The following DLC1 variants were observed in gnomAD, a reference collection of about 807,000 sequenced individuals.
DLC1 encodes the protein rho GTPase-activating protein 7.
Under a neutral mutation model 140.3 loss-of-function variants are expected in DLC1, and 54 were observed. That is an observed-to-expected ratio of 0.38 (90% confidence interval 0.31 to 0.48). The LOEUF is 0.48. DLC1 is among the 20% of genes least tolerant of loss of function. DLC1 has a pLI of 0.96. For missense variants in DLC1, 2,536 were observed against 1,907.0 expected (o/e 1.33, Z -6.14); for synonymous variants, 986 against 728.1 (o/e 1.35, Z -5.70).
In DLC1 at chr8:13,431,553, C is replaced by G. The variant is rs565390576; in HGVS notation, c.1024-29934G>C. ...GCATTGATGTCACAACTCTGTCTCTCTTGTCTCTACCTGTCTTTGTGATGA... is the reference window on the plus strand; with the variant it reads ...GCATTGATGTCACAACTCTGTCTCTGTTGTCTCTACCTGTCTTTGTGATGA... On this transcript the variant is annotated intron_variant, in intron 2 of 17. Transcript: ENST00000276297. 6.4e-5 allele frequency among the ~76,000 whole-genome samples: 9 copies of G among 140,598 alleles called. No homozygotes were observed. In the South Asian group the frequency reaches 1.7e-3, roughly 27 times the overall value. 92.2% of individuals were successfully genotyped at this position (140,598 alleles called of 152,430 possible). A position where few individuals can be genotyped will look rare whatever the true frequency, so the allele number is the denominator to read the frequency against.
chr8:13,567,670 C>T (rs768389017), intron 1 of DLC1: 2 of 1,551,782 alleles, frequency 1.3e-6, no homozygotes, highest in South Asian at 2.4e-5. Context: ...GTCATTTCTA[C>T]TCCAAGAGAG....
In DLC1 at chr8:13,238,012, T is replaced by G. The variant is rs145573559; in HGVS notation, c.1348+67257A>C. On this transcript the variant is annotated intron_variant, in intron 5 of 17. Coordinates refer to ENST00000276297, the MANE Select transcript of DLC1 (RefSeq NM_182643.3). The stretch of plus-strand genomic sequence containing the variant: ...AACAGGTGAAAATGCCATCCTAACA[T>G]CCTTTGGAGTAAATTAACAAATATT... Among the ~76,000 whole-genome samples the G allele has an allele frequency of 3.7e-3, 557 of 152,260 alleles. 1 individual carries two copies. Among genetic ancestry groups the G allele is most frequent in the Middle Eastern group, 0.017 (5 of 292 alleles).
At chr8:13,176,726 C>T (rs1585845581) in intron 5 of DLC1, among the ~76,000 whole-genome samples, 2 of 152,294 alleles carry the variant, frequency 1.3e-5, no homozygotes, top group African/African-American at 4.8e-5. Flanking sequence ...TGTTACACGG[C>T]AATGAAGAAT....
At chr8:13,387,186 A>G (rs1836561643) in intron 4 of DLC1, among the ~76,000 whole-genome samples, 1 of 152,002 alleles carries the variant, frequency 6.6e-6, no homozygotes, top group African/African-American at 2.4e-5. Flanking sequence ...GTGACATAAA[A>G]TACTATTTAA....
At chr8:13,367,403 C>A (rs2117101440) in intron 4 of DLC1, among the ~76,000 whole-genome samples, 1 of 152,312 alleles carries the variant, frequency 6.6e-6, no homozygotes, top group East Asian at 1.9e-4. Context: ...TTCTTAGGTG[C>A]TGCCTACATG....
intron 4 of DLC1, among the ~76,000 whole-genome samples, chr8:13,317,939 G>C (rs1288951430): frequency 2.6e-5 from 4 of 152,150 alleles, no homozygotes; most frequent in Non-Finnish European, 5.9e-5. Context: ...TTACTTAGTG[G>C]TCACTGTAAC....
At chr8:13,207,059 A>G (rs1827701561) in intron 5 of DLC1, among the ~76,000 whole-genome samples, 1 of 152,172 alleles carries the variant, frequency 6.6e-6, no homozygotes, top group Non-Finnish European at 1.5e-5. Context: ...ATCATTCTAA[A>G]AATATTTTGG....
chr8:13,567,509 T>C (rs1185149820), intron 1 of DLC1: 1 of 1,552,056 alleles, frequency 6.4e-7, no homozygotes. Flanking sequence ...GATGAACTTT[T>C]GAACAGAATC....
intron 1 of DLC1, among the ~76,000 whole-genome samples, chr8:13,502,699 C>G (rs1176478382): frequency 6.6e-6 from 1 of 152,216 alleles, no homozygotes; most frequent in African/African-American, 2.4e-5. Flanking sequence ...AGCCTCCTCA[C>G]TGGGCCGCCT....
chr8:13,297,282 T>TAAAAAAAAAAAAAAAAAAAAAAAAAAA (rs60048506), intron 5 of DLC1, among the ~76,000 whole-genome samples: 344 of 9,620 alleles, frequency 0.036, 142 homozygotes, highest in Non-Finnish European at 0.037. Flanking sequence ...CTTCATACAT[T>TAAAAAAAAAAAAAAAAAAAAAAAAAAA]AAAAAAAAAA....
intron 5 of DLC1, among the ~76,000 whole-genome samples, chr8:13,290,614 A>C (rs1461385117): frequency 1.3e-5 from 2 of 152,200 alleles, no homozygotes; most frequent in African/African-American, 4.8e-5. Context: ...AATAATAAAG[A>C]GTATAAAAGG....
At chr8:13,116,951 G>C (rs1007413110) in intron 5 of DLC1, among the ~76,000 whole-genome samples, 7 of 152,180 alleles carry the variant, frequency 4.6e-5, no homozygotes, top group Admixed American at 6.5e-5. Flanking sequence ...AAATGGGAGC[G>C]AATGATAGTG....
intron 5 of DLC1, among the ~76,000 whole-genome samples, chr8:13,209,189 T>C (rs1449101053): frequency 1.3e-5 from 2 of 152,162 alleles, no homozygotes; most frequent in Non-Finnish European, 2.9e-5. Flanking sequence ...AGCTATTTGA[T>C]ATATATTGAT....
chr8:13,562,991 C>T (rs535970012), intron 1 of DLC1, among the ~76,000 whole-genome samples: 3 of 151,640 alleles, frequency 2.0e-5, no homozygotes, highest in South Asian at 2.1e-4. Context: ...GTATGAGAGA[C>T]GTATTTATAT....
At chr8:13,298,735 C>T (rs2117492634) in intron 5 of DLC1, among the ~76,000 whole-genome samples, 1 of 152,224 alleles carries the variant, frequency 6.6e-6, no homozygotes, top group Non-Finnish European at 1.5e-5. Flanking sequence ...ATTTTCAAGA[C>T]AGGGGATAAA....
intron 2 of DLC1, among the ~76,000 whole-genome samples, chr8:13,498,671 C>T (rs1261062240): frequency 2.0e-5 from 3 of 151,958 alleles, no homozygotes; most frequent in East Asian, 3.9e-4. Flanking sequence ...CAAATAAATG[C>T]TATAACAGTA....
chr8:13,099,298 T>C (rs773990702), intron 9 of DLC1, 49 bp downstream of exon 9: 6 of 1,565,480 alleles, frequency 3.8e-6, no homozygotes, highest in South Asian at 1.2e-5. Flanking sequence ...AGGCAATGTC[T>C]TTCTGACCCC....
chr8:13,377,939 A>G (rs1836075623), intron 4 of DLC1, among the ~76,000 whole-genome samples: 2 of 151,624 alleles, frequency 1.3e-5, no homozygotes, highest in African/African-American at 2.4e-5. Flanking sequence ...GCAAGGTACT[A>G]CTACACTTAA....
At chr8:13,198,642 A>G (rs1370415616) in intron 5 of DLC1, among the ~76,000 whole-genome samples, 1 of 151,742 alleles carries the variant, frequency 6.6e-6, no homozygotes, top group Non-Finnish European at 1.5e-5. Context: ...ATTTCTTTAC[A>G]TTTCATAAAG....
Sources: allele counts gnomAD v4.1 joint callset (sites outside exome capture counted in the v4.1 genomes callset), GRCh38; gene constraint gnomAD v4.1.1; transcripts MANE v1.5; gene names NCBI Gene and HGNC (gene_info 2026-07-23, HGNC 2026-07-21).